SAFB2: variants seen among roughly 807,000 people sequenced by gnomAD.
SAFB2 encodes scaffold attachment factor B2.
SAFB2 carries 32 observed loss-of-function variants against 100.6 expected under a neutral mutation model. That is an observed-to-expected ratio of 0.32 (90% CI 0.24 to 0.43). SAFB2 has a LOEUF of 0.43. SAFB2 is among the 20% of genes least tolerant of loss of function. SAFB2 has a pLI of 1.00. For missense variants in SAFB2, 1,185 were observed against 1,163.4 expected (o/e 1.02, Z -0.27); for synonymous variants, 500 against 439.4 (o/e 1.14, Z -1.72).
At chr19:5,617,633 T>C (rs965333562) in intron 2 of SAFB2, among the ~76,000 whole-genome samples, 1 of 152,164 alleles carries the variant, frequency 6.6e-6, no homozygotes, top group Non-Finnish European at 1.5e-5. Flanking sequence ...TCTGGAGACA[T>C]TGTTAGTGGT....
At chr19:5,621,240 AGAGCACAC>A in intron 2 of SAFB2, 61 bp downstream of exon 2, 4 of 1,008,726 alleles carry the variant, frequency 4.0e-6, no homozygotes, top group Non-Finnish European at 6.3e-6. Flanking sequence ...GAAGGCGGGA[AGAGCACAC>A]TACACACCAT....
chr19:5,602,243 T>C lies in SAFB2; in HGVS notation c.1560-1983A>G, dbSNP rs181291545. On this transcript the variant is annotated intron_variant, in intron 11 of 20. Transcript: ENST00000252542. ...CTGTAATCCCAGCACTTTGGGAGGCTGAGGTGGGTGGATCACGAGGTCAGG... is the reference window on the plus strand; with the variant it reads ...CTGTAATCCCAGCACTTTGGGAGGCCGAGGTGGGTGGATCACGAGGTCAGG... 9.1e-4 allele frequency among the ~76,000 whole-genome samples: 139 copies of C among 152,032 alleles called. 1 individual carries two copies. Among genetic ancestry groups the C allele is most frequent in the Middle Eastern group, 6.8e-3 (2 of 294 alleles).
At chr19:5,593,217 T>C (rs891157608) in intron 15 of SAFB2, among the ~76,000 whole-genome samples, 3 of 152,210 alleles carry the variant, frequency 2.0e-5, no homozygotes, top group Admixed American at 1.3e-4. Flanking sequence ...TGGAATAGCA[T>C]TCGAGTTGCC....
Position 5,587,392 on chromosome 19 carries a change from C to T in SAFB2, c.2713G>A (p.Gly905Ser), listed in dbSNP as rs1221677986. The T allele has an allele frequency of 5.0e-6, 8 of 1,611,178 alleles. No homozygotes were observed. Among genetic ancestry groups the T allele is most frequent in the African/African-American group, 2.7e-5 (2 of 74,880 alleles). ...TGGGAATGTCCACCTTGTGCAAAGC[C>T]GCCTCGCCTAGGAACAAAGTCAGAC... ...ASRGGVAGRG[G>S]FAQGGHSQGH... Residue 905 changes from glycine (G) to serine (S), a missense_variant, in exon 21 of 21, where the codon GGC becomes AGC. Gly to Ser is a moderately conservative substitution (Grantham distance 56). Around this residue, in one of 3 missense-constraint regions of SAFB2, gnomAD observed 740 missense variants for 687.1 expected, o/e 1.08. Coordinates refer to ENST00000252542, the MANE Select transcript of SAFB2 (RefSeq NM_014649.3). The surrounding 1 kb of genome is among the most constrained non-coding windows in gnomAD (Gnocchi z 4.9).
At chr19:5,612,872 C>T (rs1387109539) in intron 5 of SAFB2, among the ~76,000 whole-genome samples, 1 of 152,214 alleles carries the variant, frequency 6.6e-6, no homozygotes, top group Non-Finnish European at 1.5e-5. Flanking sequence ...AGCTGGCAAA[C>T]ACCCCCTTTG....
At chr19:5,600,040 G>C (rs184153554) in intron 12 of SAFB2, 90 bp downstream of exon 12, 3 of 1,356,490 alleles carry the variant, frequency 2.2e-6, no homozygotes, top group South Asian at 1.4e-5. Context: ...CATGTCACCA[G>C]AGCTTGCTGT....
chr19:5,618,061 C>G (rs2053069200), intron 2 of SAFB2, among the ~76,000 whole-genome samples: 2 of 152,162 alleles, frequency 1.3e-5, no homozygotes, highest in South Asian at 4.1e-4. Context: ...GGAGGATGCT[C>G]CGAGCCTGAG....
intron 11 of SAFB2, among the ~76,000 whole-genome samples, chr19:5,601,279 T>C (rs371108906): frequency 2.6e-4 from 39 of 152,310 alleles, no homozygotes; most frequent in Non-Finnish European, 4.4e-4. Flanking sequence ...ACCACCAGGG[T>C]GGCCTTAGTG....
At position 5,587,777 on chromosome 19, in the gene SAFB2, A is replaced by C; in HGVS notation, c.2639-10T>G. ...AGGCCCCTCTCGCCACCTAGAAGAG[A>C]AGAAGGGTCTGCAAACACTCCGTTC... On this transcript the variant is annotated splice_polypyrimidine_tract_variant and intron_variant, in intron 19 of 20. Coordinates refer to ENST00000252542, the MANE Select transcript of SAFB2 (RefSeq NM_014649.3). The surrounding 1 kb of genome is among the most constrained non-coding windows in gnomAD (Gnocchi z 4.9). 6.4e-7 allele frequency: 1 copy of C among 1,553,006 alleles called. No individual in the cohort carries two copies. Among genetic ancestry groups the C allele is most frequent in the Non-Finnish European group, 8.7e-7 (1 of 1,148,114 alleles).
intron 17 of SAFB2, 32 bp downstream of exon 17, chr19:5,591,716 G>A (rs2052409383): frequency 6.2e-7 from 1 of 1,606,940 alleles, no homozygotes; most frequent in Non-Finnish European, 8.5e-7. Flanking sequence ...CAGTACAGTG[G>A]CCCCAGGGCT....
intron 12 of SAFB2, 64 bp downstream of exon 12, chr19:5,600,066 G>A (rs758505496): frequency 4.5e-6 from 7 of 1,544,680 alleles, no homozygotes; most frequent in Non-Finnish European, 6.1e-6. Flanking sequence ...CCTTCCCTCG[G>A]AACCCCCACT....
rs749944796 is a variant in SAFB2 at position 5,604,714 on chromosome 19, A to C, written c.1447-19T>G. On this transcript the variant is annotated intron_variant, in intron 10 of 20. Transcript: ENST00000252542. ...TTTTGGCCTAAAATATAATAGACAG[A>C]AATGATGTGTGGCCCAGAGCTTCTC... The C allele has an allele frequency of 1.2e-5, 19 of 1,614,148 alleles. No homozygotes were observed. The highest frequency in any genetic ancestry group is 1.6e-5 in the Non-Finnish European group (19 of 1,179,984).
At chr19:5,616,809 G>A (rs1275050840) in intron 2 of SAFB2, among the ~76,000 whole-genome samples, 1 of 151,836 alleles carries the variant, frequency 6.6e-6, no homozygotes, top group African/African-American at 2.4e-5. Flanking sequence ...GCATCACCAT[G>A]CCCAGCTTAT....
At chr19:5,589,577 C>T (rs2145311932) in intron 18 of SAFB2, among the ~76,000 whole-genome samples, 1 of 152,224 alleles carries the variant, frequency 6.6e-6, no homozygotes, top group South Asian at 2.1e-4. Context: ...GCAGTCCTGC[C>T]ACCAGCCTCC....
At chr19:5,615,169 A>G (rs2145357096) in intron 4 of SAFB2, among the ~76,000 whole-genome samples, 1 of 152,352 alleles carries the variant, frequency 6.6e-6, no homozygotes, top group African/African-American at 2.4e-5. Flanking sequence ...CATGGCCAAC[A>G]TGGTGAAACC....
At chr19:5,622,010 C>G (rs928686243) in intron 1 of SAFB2, among the ~76,000 whole-genome samples, 8 of 152,256 alleles carry the variant, frequency 5.3e-5, no homozygotes, top group Non-Finnish European at 1.2e-4. Flanking sequence ...GAAGGGCGCT[C>G]AGGAAGGTGA....
chr19:5,614,014 C>T (rs992294584), intron 4 of SAFB2, among the ~76,000 whole-genome samples: 5 of 152,216 alleles, frequency 3.3e-5, no homozygotes, highest in African/African-American at 4.8e-5. Context: ...AGTGCAATGG[C>T]GCCATCTCGG....
rs1218878279 is a variant in SAFB2, at chr19:5,622,561, T to A, written c.155A>T (p.Asn52Ile). ...LKKRNLDTGG[N>I]KSVLMERLKK... ...GAGCCGCTCCATCAGGACGCTCTTGTTGCCGCCCGTGTCCAGGTTCCGCTT... is the reference window on the plus strand; with the variant it reads ...GAGCCGCTCCATCAGGACGCTCTTGATGCCGCCCGTGTCCAGGTTCCGCTT... Residue 52 changes from asparagine to isoleucine, a missense_variant, in exon 1 of 21, where the codon AAC (asparagine) becomes ATC (isoleucine). Asn to Ile is a moderately radical substitution (Grantham distance 149, BLOSUM62 -3). Coordinates refer to ENST00000252542, the MANE Select transcript of SAFB2 (RefSeq NM_014649.3). 6.2e-7 allele frequency: 1 copy of A among 1,613,438 alleles called. No individual in the cohort carries two copies. The highest frequency in any genetic ancestry group is 1.7e-5 in the Admixed American group (1 of 60,002).
At chr19:5,606,459 G>A (rs1386519234) in intron 9 of SAFB2, among the ~76,000 whole-genome samples, 1 of 152,070 alleles carries the variant, frequency 6.6e-6, no homozygotes, top group Non-Finnish European at 1.5e-5. Flanking sequence ...AACCACATCT[G>A]TACCAAAAAT....
Sources: allele counts gnomAD v4.1 joint callset (sites outside exome capture counted in the v4.1 genomes callset), GRCh38; gene constraint gnomAD v4.1.1; regional missense constraint gnomAD v4.1.1; non-coding constraint Gnocchi (gnomAD v3.1); transcripts MANE v1.5; gene names NCBI Gene and HGNC (gene_info 2026-07-23, HGNC 2026-07-21).